TRPM3: variants seen among roughly 807,000 people sequenced by gnomAD.
TRPM3 encodes transient receptor potential cation channel subfamily M member 3, also known as long transient receptor potential channel 3.
TRPM3 carries 77 observed loss-of-function variants against 181.2 expected under a neutral mutation model. The ratio of observed to expected loss-of-function variants is 0.42; its 90% confidence interval spans 0.35 to 0.51. TRPM3 has a LOEUF of 0.51. Among genes scored for constraint, TRPM3 ranks in the 20% least tolerant of loss-of-function variants. The pLI is 0.01. For synonymous variants in TRPM3, 745 were observed against 796.4 expected (o/e 0.94, Z 1.09); for missense variants, 1,759 against 2,196.7 (o/e 0.80, Z 3.98).
intron 1 of TRPM3, among the ~76,000 whole-genome samples, chr9:70,983,609 A>G (rs1450959917): frequency 1.3e-5 from 2 of 152,198 alleles, no homozygotes; most frequent in Non-Finnish European, 2.9e-5. Flanking sequence ...GTGGGCAGGC[A>G]GAGGAAGGAG....
intron 1 of TRPM3, among the ~76,000 whole-genome samples, chr9:71,250,552 T>C (rs191888810): frequency 6.6e-6 from 1 of 152,342 alleles, no homozygotes; most frequent in East Asian, 1.9e-4. Context: ...GAAATCTATG[T>C]ACTGAGTATA....
intron 1 of TRPM3, among the ~76,000 whole-genome samples, chr9:71,185,176 G>T (rs557897062): frequency 6.6e-6 from 1 of 152,068 alleles, no homozygotes; most frequent in Non-Finnish European, 1.5e-5. Context: ...ACACTCTAAT[G>T]TAATAAAAAT....
In TRPM3 at chr9:70,639,174, G is replaced by T. The variant is rs762276121; in HGVS notation, c.1467C>A (p.Ala489=). 2.5e-5 allele frequency: 41 copies of T among 1,613,698 alleles called. No homozygotes were observed. The highest frequency in any genetic ancestry group is 2.5e-6 in the Non-Finnish European group (3 of 1,179,878). The change falls in exon 11 of 26, where the codon GCC becomes GCA. Residue 489 remains alanine (A), a synonymous_variant. Coordinates refer to ENST00000677713, the MANE Select transcript of TRPM3 (RefSeq NM_001366145.2). The part of the protein sequence containing the change: ...QQWPVGSLEQ[A]MLDALVLDRV... Reference sequence around the variant, plus strand: ...TGTCCAGAACTAAGGCATCCAACATGGCTTGCTCCAGAGATCCCACCTGCA... The same window carrying T: ...TGTCCAGAACTAAGGCATCCAACATTGCTTGCTCCAGAGATCCCACCTGCA...
chr9:70,818,756 A>ACT (rs1204614907), intron 6 of TRPM3, among the ~76,000 whole-genome samples: 1 of 152,226 alleles, frequency 6.6e-6, no homozygotes, highest in Non-Finnish European at 1.5e-5. Context: ...TTAGTTTTCA[A>ACT]ATATGCTGAG....
chr9:71,286,961 T>G (rs1465699750), intron 1 of TRPM3, among the ~76,000 whole-genome samples: 1 of 142,362 alleles, frequency 7.0e-6, no homozygotes, highest in Admixed American at 7.2e-5. Flanking sequence ...TTTATATAAA[T>G]TATATATAAT....
intron 1 of TRPM3, among the ~76,000 whole-genome samples, chr9:71,393,189 G>A (rs1343646476): frequency 6.6e-6 from 1 of 152,144 alleles, no homozygotes; most frequent in African/African-American, 2.4e-5. Context: ...GAAGTGAATT[G>A]ACTTTCAGGC....
chr9:71,046,979 A>G (rs1180577292), intron 1 of TRPM3, among the ~76,000 whole-genome samples: 2 of 152,250 alleles, frequency 1.3e-5, no homozygotes, highest in Non-Finnish European at 2.9e-5. Flanking sequence ...CACATATGCC[A>G]AAATAGTCTT....
At chr9:70,537,766 G>C (rs976182412) in intron 25 of TRPM3, among the ~76,000 whole-genome samples, 6 of 152,116 alleles carry the variant, frequency 3.9e-5, no homozygotes, top group African/African-American at 1.4e-4. Context: ...CCATGGCCTA[G>C]CTGTGGCTTG....
chr9:70,947,231 A>G (rs1453884334), intron 1 of TRPM3, among the ~76,000 whole-genome samples: 3 of 152,186 alleles, frequency 2.0e-5, no homozygotes, highest in Admixed American at 6.5e-5. Context: ...GTGGCTGCAG[A>G]GTTTCATCTC....
intron 1 of TRPM3, among the ~76,000 whole-genome samples, chr9:71,336,890 G>T (rs1388766415): frequency 1.3e-5 from 2 of 152,162 alleles, no homozygotes; most frequent in Non-Finnish European, 2.9e-5. Flanking sequence ...TGGGAAAACT[G>T]CCTAGCCATA....
intron 6 of TRPM3, among the ~76,000 whole-genome samples, chr9:70,796,460 C>G (rs1173561028): frequency 5.9e-5 from 9 of 152,210 alleles, no homozygotes; most frequent in Non-Finnish European, 1.0e-4. Context: ...GCTCCATTTT[C>G]TCTTCAAGGA....
Position 70,575,109 on chromosome 9 carries a change from ATTTTTTT to A in TRPM3, c.3223+15915_3223+15921del, listed in dbSNP as rs55876205. On this transcript the variant is annotated intron_variant, in intron 22 of 25. Transcript: ENST00000677713. Reference sequence around the variant, plus strand: ...GGTGTGTGCCACCACATCCCGCATAATTTTTTTTTTTTTTTTTGTAGAGACAGGGTCT... The same window carrying A: ...GGTGTGTGCCACCACATCCCGCATAATTTTTTTTTTGTAGAGACAGGGTCT... 7.4e-5 allele frequency among the ~76,000 whole-genome samples: 10 copies of A among 134,358 alleles called. No homozygotes were observed. The South Asian group carries it at 2.2e-3, about 29-fold the overall frequency. 88.1% of individuals were successfully genotyped at this position (134,358 alleles called of 152,430 possible).
intron 1 of TRPM3, among the ~76,000 whole-genome samples, chr9:71,356,000 T>C (rs2091883180): frequency 6.6e-6 from 1 of 152,148 alleles, no homozygotes; most frequent in African/African-American, 2.4e-5. Context: ...ATCTGCAAGC[T>C]AGCGAGTGGT....
rs1000275877 is a variant in TRPM3 at position 71,242,800 on chromosome 9, A to G, written c.183+203853T>C. On this transcript the variant is annotated intron_variant, in intron 1 of 24. Coordinates refer to the TRPM3 transcript ENST00000357533. Reference sequence around the variant, plus strand: ...TCATCCATTCTCCATATTTTAGCCAAATTGAGCTTTTAAAAGTGTGAATTA... The same window carrying G: ...TCATCCATTCTCCATATTTTAGCCAGATTGAGCTTTTAAAAGTGTGAATTA... Among the ~76,000 whole-genome samples the G allele has an allele frequency of 1.4e-4, 22 of 152,070 alleles. 1 individual carries two copies. The highest frequency in any genetic ancestry group is 2.1e-4 in the Non-Finnish European group (14 of 68,028).
chr9:71,237,959 C>T (rs780970861), intron 1 of TRPM3, among the ~76,000 whole-genome samples: 1 of 152,152 alleles, frequency 6.6e-6, no homozygotes, highest in Non-Finnish European at 1.5e-5. Context: ...AAAGGCCCTA[C>T]ATCTTAATAC....
intron 1 of TRPM3, among the ~76,000 whole-genome samples, chr9:71,416,781 A>G (rs1289659888): frequency 6.6e-6 from 1 of 151,950 alleles, no homozygotes; most frequent in African/African-American, 2.4e-5. Flanking sequence ...AACTACCACC[A>G]TAAGATACAG....
At chr9:71,191,788 A>AT (rs1491424801) in intron 1 of TRPM3, among the ~76,000 whole-genome samples, 4 of 21,412 alleles carry the variant, frequency 1.9e-4, no homozygotes, top group South Asian at 0.012. Flanking sequence ...ACAACAGAAC[A>AT]TATAAAAAAA....
At chr9:70,780,118 A>T (rs1395277213) in intron 7 of TRPM3, among the ~76,000 whole-genome samples, 8 of 152,198 alleles carry the variant, frequency 5.3e-5, no homozygotes, top group South Asian at 2.1e-4. Flanking sequence ...TTTTAAATTC[A>T]CATTCTAGAA....
intron 5 of TRPM3, among the ~76,000 whole-genome samples, chr9:70,828,768 C>T (rs1200267246): frequency 1.4e-5 from 2 of 145,490 alleles, no homozygotes; most frequent in Non-Finnish European, 3.0e-5. Flanking sequence ...TACATGTTAT[C>T]TATATTCCTT....
Sources: allele counts gnomAD v4.1 joint callset (sites outside exome capture counted in the v4.1 genomes callset), GRCh38; gene constraint gnomAD v4.1.1; transcripts MANE v1.5; gene names NCBI Gene and HGNC (gene_info 2026-07-23, HGNC 2026-07-21).